MRPL44: variants seen among roughly 807,000 people sequenced by gnomAD.
MRPL44 encodes mitochondrial ribosomal protein L44.
In MRPL44, 21 loss-of-function variants were observed where a neutral mutation model predicts 25.9. The ratio of observed to expected loss-of-function variants is 0.81; its 90% CI spans 0.58 to 1.17. The LOEUF (loss-of-function observed/expected upper bound fraction) is 1.17, where lower values mean the gene tolerates loss of function less well. Among genes scored for constraint, MRPL44 ranks in the 50% most tolerant of loss-of-function variants. MRPL44 has a pLI of 0.00. For missense variants in MRPL44, 410 were observed against 398.9 expected, an observed-to-expected ratio of 1.03 and a Z score of -0.24; for synonymous variants, 169 against 151.0, an observed-to-expected ratio of 1.12 and a Z score of -0.87.
chr2:223,954,147 C>T (rs988718294), upstream of MRPL44, among the ~76,000 whole-genome samples: 4 of 152,108 alleles, frequency 2.6e-5, no homozygotes, highest in Admixed American at 1.3e-4. Flanking sequence ...CTTTTTGGAG[C>T]GGAATTTACT....
intron 2 of MRPL44, among the ~76,000 whole-genome samples, chr2:223,961,968 A>G (rs544319664): frequency 6.6e-6 from 1 of 152,334 alleles, no homozygotes; most frequent in East Asian, 1.9e-4. Flanking sequence ...ATATATGTGT[A>G]TATACGTATC....
chr2:223,964,258 C>T (rs572583366), intron 3 of MRPL44, among the ~76,000 whole-genome samples: 2 of 152,174 alleles, frequency 1.3e-5, no homozygotes, highest in Non-Finnish European at 2.9e-5. Context: ...TTGACTTGTT[C>T]GTGTTAGAGA....
upstream of MRPL44, among the ~76,000 whole-genome samples, chr2:223,954,441 G>A (rs1689534416): frequency 6.6e-6 from 1 of 152,252 alleles, no homozygotes; most frequent in African/African-American, 2.4e-5. Flanking sequence ...AGGGCCAGGA[G>A]TTTGGGAGCA....
At position 223,959,932 on chromosome 2, in the gene MRPL44, A is replaced by C. The variant is rs376851091; in HGVS notation, c.578A>C (p.Gln193Pro). The change falls in exon 2 of 4, where the codon CAG becomes CCG. Residue 193 changes from glutamine to proline, a missense_variant. Physicochemically the swap from Gln to Pro is moderately conservative, Grantham distance 76. Transcript: ENST00000258383. ...EFPVPPAVLQ[Q>P]TFFAVIGALL... is the part of the protein sequence containing the mutation. ...CCAGTGCCCCCAGCTGTGTTACAGC[A>C]GACTTTCTTTGCAGTTATTGGAGCC... 4.3e-6 allele frequency: 7 copies of C among 1,614,236 alleles called. No individual in the cohort carries two copies. In the South Asian group the frequency reaches 5.5e-5, roughly 13 times the overall value.
rs1689623628 is a variant in MRPL44, at chr2:223,959,566, A to T, written c.212A>T (p.Glu71Val). ...SEKPNWDYHA[E>V]IQAFGHRLQE... The stretch of plus-strand genomic sequence containing the variant: ...AAGCCGAACTGGGATTACCATGCAG[A>T]AATACAAGCTTTTGGACATCGGTTA... Residue 71 changes from glutamate to valine, a missense_variant, in exon 2 of 4, where the codon GAA becomes GTA. Transcript: ENST00000258383. 1 of 1,612,308 alleles carries T rather than the reference A, an allele frequency of 6.2e-7. No individual in the cohort carries two copies. The highest frequency in any genetic ancestry group is 1.1e-5 in the South Asian group (1 of 90,782).
chr2:223,953,065 T>C (rs1689513602), upstream of MRPL44, among the ~76,000 whole-genome samples: 1 of 151,744 alleles, frequency 6.6e-6, no homozygotes, highest in Admixed American at 6.6e-5. Flanking sequence ...ATATAAACCA[T>C]ATAATGATAG....
At chr2:223,957,453 C>G, upstream of MRPL44, 7 of 1,614,090 alleles carry the variant, frequency 4.3e-6, no homozygotes, top group Non-Finnish European at 5.9e-6. Flanking sequence ...GTTCCGTCTT[C>G]CATCGTTTTC....
Position 223,965,885 on chromosome 2 carries a change from C to CAG in MRPL44, c.828-975_828-974dup, listed in dbSNP as rs1173230640. 2.1e-5 allele frequency: 3 copies of CAG among 141,540 alleles called. No individual in the cohort carries two copies. In the East Asian group the frequency reaches 6.1e-4, roughly 29 times the overall value. The allele number at this position is 141,540 out of a possible 1,614,324, so 8.8% of individuals were successfully genotyped here. On this transcript the variant is annotated intron_variant, in intron 3 of 3. Transcript: ENST00000258383. ...TCTTCTTTCTTTTTTCTTTTTTTTT[C>CAG]AGAGGTCTCACTATGTTGCCTAGTC... is the stretch of plus-strand genomic sequence containing the variant.
At chr2:223,965,239 A>G (rs1212005403) in intron 3 of MRPL44, among the ~76,000 whole-genome samples, 1 of 152,236 alleles carries the variant, frequency 6.6e-6, no homozygotes, top group Non-Finnish European at 1.5e-5. Context: ...AACTTTGTGC[A>G]AATTTGTATG....
intron 2 of MRPL44, among the ~76,000 whole-genome samples, chr2:223,961,238 C>T (rs1334517057): frequency 6.6e-6 from 1 of 152,160 alleles, no homozygotes; most frequent in Admixed American, 6.5e-5. Flanking sequence ...TTTAGTAAGG[C>T]TAGAAAAGGT....
chr2:223,953,153 G>A (rs576460057), upstream of MRPL44, among the ~76,000 whole-genome samples: 10 of 132,466 alleles, frequency 7.5e-5, no homozygotes, highest in South Asian at 2.1e-3. Context: ...TTTTTTTTCC[G>A]AGACAGAGTC....
In MRPL44 at chr2:223,964,011, ACT is replaced by A. The variant is rs367736575; in HGVS notation, c.827+80_827+81del. On this transcript the variant is annotated intron_variant, in intron 3 of 3. Coordinates refer to ENST00000258383, the MANE Select transcript of MRPL44 (RefSeq NM_022915.5). ...AGACTCCTCACAAAGCCTTAAAAAC[ACT>A]CTTCACATTCCATAAGGAATGTTAA... is the stretch of plus-strand genomic sequence containing the variant. The A allele has an allele frequency of 9.4e-4, 1,081 of 1,152,838 alleles. 3 individuals are homozygous for A. The African/African-American group carries it at 0.015, about 16-fold the overall frequency. 71.4% of individuals were successfully genotyped at this position (1,152,838 alleles called of 1,614,324 possible).
chr2:223,965,095 T>G (rs190439443), intron 3 of MRPL44, among the ~76,000 whole-genome samples: 5 of 152,252 alleles, frequency 3.3e-5, no homozygotes, highest in African/African-American at 9.6e-5. Flanking sequence ...GTGATTACTA[T>G]TGGATAGTAG....
intron 1 of MRPL44, 39 bp downstream of exon 1, chr2:223,957,690 C>T (rs1221484781): frequency 3.2e-6 from 5 of 1,573,698 alleles, no homozygotes; most frequent in East Asian, 2.3e-5. Flanking sequence ...GGGTGGCGGT[C>T]GCAGACACTG....
chr2:223,954,103 T>C (rs907454546), upstream of MRPL44, among the ~76,000 whole-genome samples: 3 of 152,202 alleles, frequency 2.0e-5, no homozygotes, highest in African/African-American at 7.2e-5. Context: ...AGGGGATCTA[T>C]ACCTACAGGG....
At chr2:223,956,951 G>T (rs1689572201), upstream of MRPL44, among the ~76,000 whole-genome samples, 1 of 152,116 alleles carries the variant, frequency 6.6e-6, no homozygotes, top group African/African-American at 2.4e-5. Context: ...TTTAATTTTG[G>T]ATAAGCCAAC....
chr2:223,954,114 G>T (rs541356156), upstream of MRPL44, among the ~76,000 whole-genome samples: 111 of 152,256 alleles, frequency 7.3e-4, no homozygotes, highest in African/African-American at 2.3e-3. Flanking sequence ...ACCTACAGGG[G>T]TTAAAGGGTC....
chr2:223,966,756 G>T, intron 3 of MRPL44, 107 bp from the exon 4 acceptor site: 1 of 925,842 alleles, frequency 1.1e-6, no homozygotes, highest in East Asian at 2.5e-5. Context: ...TACTTCTAAT[G>T]GGTATTATTG....
intron 2 of MRPL44, among the ~76,000 whole-genome samples, chr2:223,963,266 G>T (rs897211737): frequency 9.9e-5 from 15 of 152,032 alleles, no homozygotes; most frequent in Non-Finnish European, 1.5e-4. Context: ...AACTTATGGA[G>T]ACCTCATCTC....
Sources: allele counts gnomAD v4.1 joint callset (sites outside exome capture counted in the v4.1 genomes callset), GRCh38; gene constraint gnomAD v4.1.1; transcripts MANE v1.5; gene names NCBI Gene and HGNC (gene_info 2026-07-23, HGNC 2026-07-21).